NOS3: variants seen among roughly 807,000 people sequenced by gnomAD.
The protein encoded by NOS3 is nitric oxide synthase 3, also known as NOS type III.
NOS3 carries 98 observed loss-of-function variants against 144.9 expected under a neutral mutation model. The observed-to-expected ratio is 0.68, with a 90% confidence interval of 0.57 to 0.80. The LOEUF is 0.80. Among genes scored for constraint, NOS3 ranks in the 30% least tolerant of loss-of-function variants. The pLI is 0.00. For missense variants in NOS3, 1,465 were observed against 1,656.4 expected (o/e 0.88, Z 2.01); for synonymous variants, 714 against 702.4 (o/e 1.02, Z -0.26).
Position 150,998,127 on chromosome 7 carries a change from T to G in NOS3, c.583-230T>G, listed in dbSNP as rs1196160362. On this transcript the variant is annotated intron_variant, in intron 5 of 26. Coordinates refer to ENST00000297494, the MANE Select transcript of NOS3 (RefSeq NM_000603.5). This position sits in a 1 kb window ranked among gnomAD's most constrained non-coding sequence, Gnocchi z 5.0. ...GTACTGGATACCAAGTCAGCTTCCA[T>G]AGGGATGGGGAGACACCTGGCCCAG... Among the ~76,000 whole-genome samples, 1 of 152,070 alleles carries G rather than the reference T, an allele frequency of 6.6e-6. No homozygotes were observed. Among genetic ancestry groups the G allele is most frequent in the African/African-American group, 2.4e-5 (1 of 41,416 alleles).
At chr7:151,011,147 T>C (rs541831019) in intron 23 of NOS3, among the ~76,000 whole-genome samples, 161 bp downstream of exon 23, 3 of 152,110 alleles carry the variant, frequency 2.0e-5, no homozygotes, top group Admixed American at 2.0e-4. Flanking sequence ...TGGCTAAGCT[T>C]TGGCTCTCTC....
chr7:151,013,147 G>C, intron 24 of NOS3, 84 bp from the exon 25 acceptor site: 1 of 1,474,478 alleles, frequency 6.8e-7, no homozygotes, highest in Non-Finnish European at 9.2e-7. Context: ...TGGGCTGCCA[G>C]GCTGGGCGAC....
At chr7:150,999,387 G>A (rs1795024616) in intron 9 of NOS3, 23 bp downstream of exon 9, 10 of 1,542,382 alleles carry the variant, frequency 6.5e-6, no homozygotes, top group Non-Finnish European at 6.1e-6. Flanking sequence ...ATGGGGCTCG[G>A]GCACCGAATG....
chr7:150,999,895 GGTGA>G (rs1302724318), intron 9 of NOS3, among the ~76,000 whole-genome samples: 20 of 123,258 alleles, frequency 1.6e-4, no homozygotes, highest in East Asian at 5.2e-4. Flanking sequence ...GGTGTGTAGG[GGTGA>G]GTGTGTGTGA....
chr7:151,009,289 C>G, intron 19 of NOS3, 22 bp downstream of exon 19: 3 of 1,580,732 alleles, frequency 1.9e-6, no homozygotes, highest in Non-Finnish European at 2.6e-6. Flanking sequence ...GGCTTTACCG[C>G]CCCCCCACCC....
At chr7:151,008,215 AG>A (rs1045927658) in intron 17 of NOS3, among the ~76,000 whole-genome samples, 5 of 152,268 alleles carry the variant, frequency 3.3e-5, no homozygotes, top group Middle Eastern at 3.4e-3. Flanking sequence ...CAGTGGAGAT[AG>A]GAAGGAAGGG....
At position 150,998,210 on chromosome 7, in the gene NOS3, G is replaced by A; in HGVS notation, c.583-147G>A. On this transcript the variant is annotated intron_variant, in intron 5 of 26. Transcript: ENST00000297494. This position sits in a 1 kb window ranked among gnomAD's most constrained non-coding sequence, Gnocchi z 5.0. The stretch of plus-strand genomic sequence containing the variant: ...CATATGTCAGAGAGCAGGGCAGGAA[G>A]GGATCAGTGTGGCTGCCAATGGTCA... The A allele has an allele frequency of 1.5e-6, 1 of 662,504 alleles. No individual in the cohort carries two copies. The highest frequency in any genetic ancestry group is 2.7e-5 in the Admixed American group (1 of 37,486). The allele number at this position is 662,504 out of a possible 1,614,324, so 41.0% of individuals were successfully genotyped here. A position where few individuals can be genotyped will look rare whatever the true frequency, so the allele number is the denominator to read the frequency against.
chr7:151,010,346 C>A, intron 21 of NOS3, 59 bp downstream of exon 21: 1 of 1,502,600 alleles, frequency 6.7e-7, no homozygotes, highest in Non-Finnish European at 9.0e-7. Flanking sequence ...CTGGGGGGAC[C>A]CCAGTGGCAG....
In NOS3 at chr7:151,002,003, G is replaced by A; in HGVS notation, c.1647+38G>A. On this transcript the variant is annotated intron_variant, in intron 13 of 26. Coordinates refer to ENST00000297494, the MANE Select transcript of NOS3 (RefSeq NM_000603.5). The surrounding 1 kb of genome is among the most constrained non-coding windows in gnomAD (Gnocchi z 4.1). ...CCAGGGGAGCAGGGAGCTAGAAAGAGGGGGCTCTATCAGCATCTTCAGGGG... is the reference window on the plus strand; with the variant it reads ...CCAGGGGAGCAGGGAGCTAGAAAGAAGGGGCTCTATCAGCATCTTCAGGGG... The A allele has an allele frequency of 6.2e-7, 1 of 1,610,184 alleles. No homozygotes were observed. Among genetic ancestry groups the A allele is most frequent in the Non-Finnish European group, 8.5e-7 (1 of 1,178,010 alleles).
rs1451795121 is a variant in NOS3, at chr7:150,993,894, C to T, written c.91C>T (p.Pro31Ser). ...LGLGLCGKQG[P>S]ATPAPEPSRA... ...CCTTGGGCTGTGCGGCAAGCAGGGC[C>T]CAGCCACCCCGGCCCCTGAGCCCAG... is the stretch of plus-strand genomic sequence containing the variant. The change falls in exon 2 of 27, where the codon CCA (proline) becomes TCA (serine). Residue 31 changes from proline (P) to serine (S), a missense_variant. Pro to Ser is a moderately conservative substitution (Grantham distance 74, BLOSUM62 -1). Coordinates refer to ENST00000297494, the MANE Select transcript of NOS3 (RefSeq NM_000603.5). This position sits in a 1 kb window ranked among gnomAD's most constrained non-coding sequence, Gnocchi z 4.0. 3.8e-6 allele frequency: 6 copies of T among 1,596,662 alleles called. No individual in the cohort carries two copies. The highest frequency in any genetic ancestry group is 2.3e-5 in the East Asian group (1 of 44,042).
chr7:150,997,496 CCA>C (rs1217835162), intron 5 of NOS3, among the ~76,000 whole-genome samples: 1 of 152,152 alleles, frequency 6.6e-6, no homozygotes, highest in African/African-American at 2.4e-5. Flanking sequence ...ACACCCCAGC[CCA>C]CAGACTCGGG....
intron 5 of NOS3, among the ~76,000 whole-genome samples, chr7:150,997,824 CT>C (rs1286870561): frequency 7.2e-5 from 11 of 152,226 alleles, no homozygotes; most frequent in African/African-American, 2.4e-4. Flanking sequence ...TCCCCTGCCC[CT>C]GTCACTGACA....
At chr7:151,011,775 C>A (rs1232940672) in intron 23 of NOS3, 4 of 407,506 alleles carry the variant, frequency 9.8e-6, no homozygotes, top group Non-Finnish European at 2.0e-5. Flanking sequence ...CCTCCCACCT[C>A]CGCCTCCCAA....
intron 2 of NOS3, among the ~76,000 whole-genome samples, chr7:150,994,680 T>C (rs745515037): frequency 3.9e-5 from 6 of 152,150 alleles, no homozygotes; most frequent in Non-Finnish European, 7.4e-5. Context: ...GCCGGGGCCC[T>C]GCTGCTCAGG....
Position 150,999,186 on chromosome 7 carries a change from C to T in NOS3, c.957-4C>T, listed in dbSNP as rs866540976. 1.2e-6 allele frequency: 2 copies of T among 1,609,478 alleles called. No homozygotes were observed. Among genetic ancestry groups the T allele is most frequent in the South Asian group, 2.2e-5 (2 of 90,898 alleles). ...GTGCTGATCCCACACCCCAACACCCCCAGGCTGGAGTGGTTTGCAGCCCTG... is the reference window on the plus strand; with the variant it reads ...GTGCTGATCCCACACCCCAACACCCTCAGGCTGGAGTGGTTTGCAGCCCTG... On this transcript the variant is annotated splice_region_variant and splice_polypyrimidine_tract_variant and intron_variant, in intron 8 of 26. Transcript: ENST00000297494.
Position 150,993,388 on chromosome 7 carries a change from C to T in NOS3, c.-51-365C>T, listed in dbSNP as rs1162828455. Among the ~76,000 whole-genome samples the T allele has an allele frequency of 1.3e-5, 2 of 152,178 alleles. No individual in the cohort carries two copies. Among genetic ancestry groups the T allele is most frequent in the Non-Finnish European group, 2.9e-5 (2 of 68,014 alleles). ...AAACGGTGCTCACCTTCTGCCCAAC[C>T]CTCCAGGGAAAGGCACACAGGGGTG... On this transcript the variant is annotated intron_variant, in intron 1 of 26. Transcript: ENST00000297494. This position sits in a 1 kb window ranked among gnomAD's most constrained non-coding sequence, Gnocchi z 4.0.
chr7:151,004,477 G>A (rs1284145258), intron 14 of NOS3, among the ~76,000 whole-genome samples: 1 of 151,972 alleles, frequency 6.6e-6, no homozygotes, highest in Non-Finnish European at 1.5e-5. Context: ...CAGAAAATGG[G>A]GTATATTCAC....
At position 151,001,885 on chromosome 7, in the gene NOS3, C is replaced by T. The variant is rs1795109701; in HGVS notation, c.1567C>T (p.Leu523=). ...GGCGAAGCGAGTGAAGGCGACAATC[C>T]TGTATGGCTCCGAGACCGGCCGGGC... ...VMAKRVKATI[L]YGSETGRAQS... is the part of the protein sequence containing the mutation. Residue 523 remains leucine, a synonymous_variant, in exon 13 of 27, where the codon CTG becomes TTG. Coordinates refer to ENST00000297494, the MANE Select transcript of NOS3 (RefSeq NM_000603.5). 5 of 1,613,748 alleles carry T rather than the reference C, an allele frequency of 3.1e-6. No homozygotes were observed. In the East Asian group the frequency reaches 6.7e-5, roughly 22 times the overall value.
chr7:150,992,742 G>C (rs1029312606), intron 1 of NOS3, among the ~76,000 whole-genome samples: 1 of 152,138 alleles, frequency 6.6e-6, no homozygotes, highest in South Asian at 2.1e-4. Context: ...CAGTCTCTCA[G>C]CTTCCGTTTC....
Sources: allele counts gnomAD v4.1 joint callset (sites outside exome capture counted in the v4.1 genomes callset), GRCh38; gene constraint gnomAD v4.1.1; non-coding constraint Gnocchi (gnomAD v3.1); transcripts MANE v1.5; gene names NCBI Gene and HGNC (gene_info 2026-07-23, HGNC 2026-07-21).